Variants in TFB1M observed in about 807,000 individuals in gnomAD.
The protein encoded by TFB1M is dimethyladenosine transferase 1, mitochondrial.
Under a neutral mutation model 31.1 loss-of-function variants are expected in TFB1M, and 27 were observed. That is an observed-to-expected ratio of 0.87 (90% CI 0.64 to 1.20). The LOEUF (loss-of-function observed/expected upper bound fraction) is 1.20. Ranked by LOEUF, TFB1M falls within the 50% of genes most tolerant of loss-of-function variation. The pLI is 0.00. For missense variants in TFB1M, 394 were observed against 418.7 expected, an observed-to-expected ratio of 0.94 and a Z score of 0.51; for synonymous variants, 166 against 151.8, an observed-to-expected ratio of 1.09 and a Z score of -0.69.
chr6:155,256,578 C>T lies in TFB1M; in HGVS notation c.*1258G>A, dbSNP rs1784045917. On this transcript the variant is annotated 3_prime_UTR_variant, in exon 7 of 7. Transcript: ENST00000367166. ...GAACCTTGCTGGACTCTGACGAGGG[C>T]AGCTTGAGCAGCGGCACCCAGAGCA... 1.9e-6 allele frequency: 3 copies of T among 1,614,072 alleles called. No homozygotes were observed. Among genetic ancestry groups the T allele is most frequent in the African/African-American group, 1.3e-5 (1 of 74,928 alleles).
At chr6:155,291,281 T>C (rs1267950222) in intron 4 of TFB1M, among the ~76,000 whole-genome samples, 1 of 152,164 alleles carries the variant, frequency 6.6e-6, no homozygotes, top group South Asian at 2.1e-4. Context: ...GGAGATTGCT[T>C]GGTGTGGAAA....
chr6:155,252,973 A>C (rs201424411), downstream of TFB1M: 168 of 1,612,872 alleles, frequency 1.0e-4, no homozygotes, highest in Admixed American at 2.7e-3. Flanking sequence ...CCTGCACACA[A>C]CTCTACTGAC....
At chr6:155,253,739 T>G, downstream of TFB1M, 1 of 455,784 alleles carries the variant, frequency 2.2e-6, no homozygotes, top group Non-Finnish European at 3.9e-6. Flanking sequence ...AGAGAGAGGG[T>G]GAAGGCAGTT....
At chr6:155,254,194 C>T, downstream of TFB1M, 1 of 1,041,188 alleles carries the variant, frequency 9.6e-7, no homozygotes, top group Non-Finnish European at 1.4e-6. Context: ...AAAAAGGCAA[C>T]TGAGGCCGCT....
intron 5 of TFB1M, among the ~76,000 whole-genome samples, chr6:155,272,620 G>C (rs916505764): frequency 6.6e-6 from 1 of 152,052 alleles, no homozygotes; most frequent in Middle Eastern, 3.2e-3. Flanking sequence ...CTCGTGGCTG[G>C]AGGGTAAAGC....
chr6:155,291,961 T>C (rs533855300), intron 4 of TFB1M, among the ~76,000 whole-genome samples: 7 of 152,206 alleles, frequency 4.6e-5, no homozygotes, highest in South Asian at 2.1e-4. Context: ...AATTCTGGCA[T>C]TAAAAAGTTT....
At chr6:155,266,834 G>A (rs953992566) in intron 5 of TFB1M, among the ~76,000 whole-genome samples, 114 of 111,412 alleles carry the variant, frequency 1.0e-3, no homozygotes, top group Admixed American at 1.2e-3. Context: ...GCGACAGAGC[G>A]AGACTCCGTC....
At chr6:155,304,786 CCAAAAATGAAGG>C (rs1160567981) in intron 2 of TFB1M, among the ~76,000 whole-genome samples, 2 of 151,550 alleles carry the variant, frequency 1.3e-5, no homozygotes, top group East Asian at 1.9e-4. Flanking sequence ...ACAATATTTT[CCAAAAATGAAGG>C]CAAAAATGAA....
rs1391815401 is a variant in TFB1M, at chr6:155,256,167, T to TTAAC, written c.*1665_*1668dup. ...AGGAGCCTAGATTTATTATTACCAATTAACTTTTCAACTTACTCCTTGGCA... is the reference window on the plus strand; with the variant it reads ...AGGAGCCTAGATTTATTATTACCAATTAACTAACTTTTCAACTTACTCCTTGGCA... On this transcript the variant is annotated 3_prime_UTR_variant, in exon 7 of 7. Coordinates refer to ENST00000367166, the MANE Select transcript of TFB1M (RefSeq NM_016020.4). The TTAAC allele has an allele frequency of 3.9e-6, 2 of 516,774 alleles. No individual in the cohort carries two copies. The highest frequency in any genetic ancestry group is 4.0e-5 in the African/African-American group (2 of 50,460). 32.0% of individuals were successfully genotyped at this position (516,774 alleles called of 1,614,324 possible).
At chr6:155,309,173 AC>A (rs1351464992) in intron 2 of TFB1M, among the ~76,000 whole-genome samples, 8 of 152,260 alleles carry the variant, frequency 5.3e-5, no homozygotes, top group African/African-American at 1.7e-4. Flanking sequence ...ATTTAATGAT[AC>A]ATTTAATTAA....
At chr6:155,313,970 T>C (rs1778130633) in intron 1 of TFB1M, 4 of 593,608 alleles carry the variant, frequency 6.7e-6, no homozygotes, top group Non-Finnish European at 1.1e-5. Flanking sequence ...TTCAGAATGA[T>C]TGATTTCACA....
chr6:155,242,901 A>ATT, the TFB1M span, among the ~76,000 whole-genome samples: 23,362 of 131,744 alleles, frequency 0.18, 2,257 homozygotes, highest in Non-Finnish European at 0.26. Flanking sequence ...ACACCCAGCT[A>ATT]TTTTTTTTTT....
At chr6:155,234,722 G>A in the TFB1M span, among the ~76,000 whole-genome samples, 1 of 152,214 alleles carries the variant, frequency 6.6e-6, no homozygotes, top group Middle Eastern at 3.2e-3. Flanking sequence ...TGCTTTTAAA[G>A]CAGCATTCCT....
Position 155,311,230 on chromosome 6 carries a change from A to C in TFB1M, c.243T>G (p.Leu81=). Residue 81 remains leucine (L), a synonymous_variant, in exon 2 of 7, where the codon CTT becomes CTG. Coordinates refer to ENST00000367166, the MANE Select transcript of TFB1M (RefSeq NM_016020.4). Reference sequence around the variant, plus strand: ...ATCGAGTGTCCTTTTCAACCACCAGAAGTTCAGCGACGTCGGCATTAAGAA... The same window carrying C: ...ATCGAGTGTCCTTTTCAACCACCAGCAGTTCAGCGACGTCGGCATTAAGAA... ...RSILNADVAE[L]LVVEKDTRFI... 6.2e-7 allele frequency: 1 copy of C among 1,614,148 alleles called. No homozygotes were observed. Among genetic ancestry groups the C allele is most frequent in the Non-Finnish European group, 8.5e-7 (1 of 1,179,992 alleles).
the TFB1M span, among the ~76,000 whole-genome samples, chr6:155,246,770 A>T: frequency 2.0e-5 from 3 of 152,234 alleles, no homozygotes; most frequent in African/African-American, 7.2e-5. Flanking sequence ...GTCATAAAGA[A>T]GAGGGGTCCT....
intron 2 of TFB1M, among the ~76,000 whole-genome samples, chr6:155,299,060 C>T (rs147444227): frequency 2.1e-4 from 32 of 152,152 alleles, no homozygotes; most frequent in African/African-American, 7.0e-4. Context: ...TTAATATATG[C>T]GTAGATTTAG....
the TFB1M span, among the ~76,000 whole-genome samples, chr6:155,240,192 A>G: frequency 1.3e-5 from 2 of 152,234 alleles, no homozygotes; most frequent in African/African-American, 2.4e-5. Context: ...CTAGAAAGCC[A>G]TAACTTCTTG....
At chr6:155,290,228 T>C (rs1776848998) in intron 4 of TFB1M, among the ~76,000 whole-genome samples, 1 of 151,372 alleles carries the variant, frequency 6.6e-6, no homozygotes. Context: ...CTACTAAAAA[T>C]GCAAAAAATT....
At chr6:155,237,856 GT>G in the TFB1M span, among the ~76,000 whole-genome samples, 1 of 152,254 alleles carries the variant, frequency 6.6e-6, no homozygotes, top group Admixed American at 6.5e-5. Context: ...CTCCAGGCCT[GT>G]GATGGGAAGG....
Sources: allele counts gnomAD v4.1 joint callset (sites outside exome capture counted in the v4.1 genomes callset), GRCh38; gene constraint gnomAD v4.1.1; transcripts MANE v1.5; gene names NCBI Gene and HGNC (gene_info 2026-07-23, HGNC 2026-07-21).